The following CYFIP2 variants were observed in gnomAD, a reference collection of about 807,000 sequenced individuals.
CYFIP2 encodes cytoplasmic FMR1-interacting protein 2.
CYFIP2 carries 29 observed loss-of-function variants against 158.7 expected under a neutral mutation model. The observed-to-expected ratio is 0.18, with a 90% confidence interval of 0.14 to 0.25. The LOEUF is 0.25. CYFIP2 is among the 10% of genes least tolerant of loss of function. The pLI, the probability that CYFIP2 is intolerant of heterozygous loss-of-function variation, is 1.00. For synonymous variants in CYFIP2, 585 were observed against 617.6 expected (o/e 0.95, Z 0.78); for missense variants, 852 against 1,639.5 (o/e 0.52, Z 8.29).
chr5:157,343,357 G>A (rs757440805), intron 23 of CYFIP2: 18 of 1,614,056 alleles, frequency 1.1e-5, no homozygotes, highest in Admixed American at 3.3e-5. Flanking sequence ...CCAGCACCAC[G>A]GAGCTGATCG....
intron 5 of CYFIP2, among the ~76,000 whole-genome samples, chr5:157,300,422 C>T (rs1342443335): frequency 6.6e-6 from 1 of 151,538 alleles, no homozygotes; most frequent in Admixed American, 6.6e-5. Context: ...GTAATCCCAG[C>T]TACTCGGGAG....
chr5:157,364,204 CGGGGGGG>C (rs926942944), intron 26 of CYFIP2: 3 of 38,306 alleles, frequency 7.8e-5, no homozygotes, highest in African/African-American at 3.0e-4. Context: ...GGCGGGGTGG[CGGGGGGG>C]GGTGGGTCCC....
intron 1 of CYFIP2, among the ~76,000 whole-genome samples, chr5:157,267,152 C>T (rs924024360): frequency 6.6e-6 from 1 of 152,208 alleles, no homozygotes; most frequent in African/African-American, 2.4e-5. Flanking sequence ...TGCCTACTTT[C>T]CCCAGCACAG....
At chr5:157,387,885 T>C (rs1374955338) in intron 28 of CYFIP2, among the ~76,000 whole-genome samples, 1 of 152,202 alleles carries the variant, frequency 6.6e-6, no homozygotes, top group Non-Finnish European at 1.5e-5. Context: ...GTAGTTGTCA[T>C]GACAACTACA....
chr5:157,366,628 T>C lies in CYFIP2; in HGVS notation c.3039+5030T>C, dbSNP rs183586439. ...TTCTTCCTGCAATCTGTAGTGGTAG[T>C]GCTATGTCTGTCATTTATCTTGTAT... On this transcript the variant is annotated intron_variant, in intron 26 of 30. Transcript: ENST00000620254. Among the ~76,000 whole-genome samples the C allele has an allele frequency of 4.1e-3, 630 of 152,362 alleles. 5 individuals carry two copies. The highest frequency in any genetic ancestry group is 0.014 in the African/African-American group (594 of 41,590).
Position 157,392,851 on chromosome 5 carries a change from G to A in CYFIP2, c.3613G>A (p.Asp1205Asn), listed in dbSNP as rs749706783. ...TCTGTAGCCCCTGAAGAAGATGGCC[G>A]ACCGGATCAGGAAGTATCAGATCTT... is the stretch of plus-strand genomic sequence containing the variant. The part of the protein sequence containing the change: ...IKNVPLKKMA[D>N]RIRKYQILNN... The change falls in exon 31 of 31, where the codon GAC becomes AAC. Residue 1205 changes from aspartate (D) to asparagine (N), a missense_variant. Asp to Asn is a conservative substitution (Grantham distance 23). This residue lies in a region of CYFIP2 where 223 missense variants were observed against 381.6 expected (regional missense o/e 0.58). Coordinates refer to ENST00000620254, the MANE Select transcript of CYFIP2 (RefSeq NM_001037333.3). The A allele has an allele frequency of 5.6e-6, 9 of 1,613,714 alleles. No homozygotes were observed. The highest frequency in any genetic ancestry group is 2.2e-5 in the East Asian group (1 of 44,880).
rs371263040 is a variant in CYFIP2, at chr5:157,383,010, A to G, written c.3113-255A>G. On this transcript the variant is annotated intron_variant, in intron 27 of 30. Transcript: ENST00000620254. ...TAGTGATATCTAGACTTGGAATTTAAATATATATATTAATATATTAAACCA... is the reference window on the plus strand; with the variant it reads ...TAGTGATATCTAGACTTGGAATTTAGATATATATATTAATATATTAAACCA... 7.2e-5 allele frequency among the ~76,000 whole-genome samples: 11 copies of G among 152,284 alleles called. 1 individual carries two copies. Among genetic ancestry groups the G allele is most frequent in the Admixed American group, 6.5e-4 (10 of 15,302 alleles).
chr5:157,345,911 T>A (rs1212882385), intron 23 of CYFIP2, among the ~76,000 whole-genome samples: 2 of 152,210 alleles, frequency 1.3e-5, no homozygotes, highest in Non-Finnish European at 2.9e-5. Context: ...GGCTGATTAT[T>A]ATTTTCTTGT....
chr5:157,325,437 T>C (rs1760948006), intron 16 of CYFIP2, 45 bp from the exon 17 acceptor site: 1 of 1,545,190 alleles, frequency 6.5e-7, no homozygotes, highest in African/African-American at 1.4e-5. Flanking sequence ...ACTAAGGTCT[T>C]TTAGTTCTAA....
intron 26 of CYFIP2, among the ~76,000 whole-genome samples, chr5:157,365,786 C>CTGTCATTCAACATTACATT (rs1554119553): frequency 1.4e-5 from 2 of 146,104 alleles, no homozygotes; most frequent in African/African-American, 2.6e-5. Flanking sequence ...CCTTTCTGAC[C>CTGTCATTCAACATTACATT]TCTGTCATTC....
intron 1 of CYFIP2, among the ~76,000 whole-genome samples, chr5:157,279,855 C>G (rs1041165362): frequency 6.6e-5 from 10 of 152,228 alleles, no homozygotes; most frequent in Non-Finnish European, 1.2e-4. Context: ...GACACTTGGG[C>G]AGGAAAGAAG....
chr5:157,357,115 A>G (rs963114097), intron 23 of CYFIP2, among the ~76,000 whole-genome samples: 4 of 152,160 alleles, frequency 2.6e-5, no homozygotes, highest in Non-Finnish European at 5.9e-5. Flanking sequence ...AGGCCTCCCA[A>G]TATCTAGGCA....
Position 157,294,855 on chromosome 5 carries a change from C to T in CYFIP2, c.280C>T (p.Pro94Ser). The change falls in exon 4 of 31, where the codon CCC becomes TCC. Residue 94 changes from proline to serine, a missense_variant. By Grantham distance (74) the Pro-to-Ser change is moderately conservative. Around this residue, in one of 8 missense-constraint regions of CYFIP2, gnomAD observed 123 missense variants for 316.7 expected, o/e 0.39. Coordinates refer to ENST00000620254, the MANE Select transcript of CYFIP2 (RefSeq NM_001037333.3). ...YTWRSCSRAI[P>S]QVKCNEQPNR... ...CTGGCGCAGCTGTTCCCGGGCCATT[C>T]CCCAGGTGAGACTGTCCTTGTTGTG... 6.2e-7 allele frequency: 1 copy of T among 1,612,872 alleles called. No individual in the cohort carries two copies. Among genetic ancestry groups the T allele is most frequent in the Non-Finnish European group, 8.5e-7 (1 of 1,179,050 alleles).
rs79314245 is a variant in CYFIP2, at chr5:157,356,488, A to G, written c.2674-2517A>G. ...CATGGCACAGATCATAATTGTATGTACAGTTCTGTGAGTTTTGACAAACAC... is the reference window on the plus strand; with the variant it reads ...CATGGCACAGATCATAATTGTATGTGCAGTTCTGTGAGTTTTGACAAACAC... On this transcript the variant is annotated intron_variant, in intron 23 of 30. Coordinates refer to ENST00000620254, the MANE Select transcript of CYFIP2 (RefSeq NM_001037333.3). Among the ~76,000 whole-genome samples the G allele has an allele frequency of 8.3e-4, 126 of 152,350 alleles. 1 individual carries two copies. Among genetic ancestry groups the G allele is most frequent in the African/African-American group, 2.8e-3 (117 of 41,574 alleles).
intron 24 of CYFIP2, 47 bp downstream of exon 24, chr5:157,359,195 G>A (rs1381366654): frequency 1.2e-6 from 2 of 1,602,516 alleles, no homozygotes; most frequent in Non-Finnish European, 1.7e-6. Flanking sequence ...ATGTGGGTTT[G>A]ACATAAACAA....
chr5:157,293,523 A>T (rs988886418), intron 3 of CYFIP2, among the ~76,000 whole-genome samples: 37 of 152,296 alleles, frequency 2.4e-4, no homozygotes, highest in African/African-American at 8.4e-4. Context: ...TTTCCTGCTT[A>T]TGAGATAGTA....
chr5:157,361,740 C>A lies in CYFIP2; in HGVS notation c.3039+142C>A, dbSNP rs1328771971. Reference sequence around the variant, plus strand: ...TCTTTTCAGTTCATTTCCAGACAGACATGGATTCTAGTCCTGGCTCCCCCA... The same window carrying A: ...TCTTTTCAGTTCATTTCCAGACAGAAATGGATTCTAGTCCTGGCTCCCCCA... On this transcript the variant is annotated intron_variant, in intron 26 of 30. Transcript: ENST00000620254. The surrounding 1 kb of genome is among the most constrained non-coding windows in gnomAD (Gnocchi z 4.4). 6.4e-6 allele frequency: 7 copies of A among 1,097,378 alleles called. No homozygotes were observed. The highest frequency in any genetic ancestry group is 9.0e-6 in the Non-Finnish European group (7 of 780,738). The allele number at this position is 1,097,378 out of a possible 1,614,324, so 68.0% of individuals were successfully genotyped here.
chr5:157,372,783 G>A (rs762073569), intron 26 of CYFIP2, among the ~76,000 whole-genome samples: 7 of 152,102 alleles, frequency 4.6e-5, no homozygotes, highest in East Asian at 1.9e-4. Context: ...GAAGCTGGCC[G>A]GTCCAAATTA....
At chr5:157,286,802 G>A (rs1757431797) in intron 2 of CYFIP2, among the ~76,000 whole-genome samples, 1 of 152,136 alleles carries the variant, frequency 6.6e-6, no homozygotes. Flanking sequence ...CCTGATTACT[G>A]ATGGGAAGCA....
Sources: gnomAD v4.1 joint callset for allele counts (sites outside exome capture counted in the v4.1 genomes callset) on GRCh38, gnomAD v4.1.1 for gene constraint, gnomAD v4.1.1 regional missense constraint, Gnocchi (gnomAD v3.1) non-coding constraint, MANE v1.5 for transcripts, NCBI Gene and HGNC (gene_info 2026-07-23, HGNC 2026-07-21) for gene names.